LRRN4: variants seen among roughly 807,000 people sequenced by gnomAD.
LRRN4 encodes leucine-rich repeat neuronal protein 4.
LRRN4 carries 26 observed loss-of-function variants against 22.3 expected under a neutral mutation model. The ratio of observed to expected loss-of-function variants is 1.16; its 90% CI spans 0.85 to 1.62. The LOEUF is 1.62. LRRN4 is among the 40% of genes most tolerant of loss of function. The probability of loss-of-function intolerance (pLI) is 0.00; values close to 1 mark genes in which losing one functional copy is unlikely to be tolerated. For missense variants in LRRN4, 1,070 were observed against 1,008.5 expected (o/e 1.06, Z -0.83); for synonymous variants, 496 against 486.2 (o/e 1.02, Z -0.26).
chr20:6,048,048 C>G (rs1263646751), intron 3 of LRRN4, among the ~76,000 whole-genome samples: 2 of 152,058 alleles, frequency 1.3e-5, no homozygotes, highest in Non-Finnish European at 2.9e-5. Context: ...TGCAATGACT[C>G]TTCCACCCCT....
Position 6,050,888 on chromosome 20 carries a change from T to A in LRRN4, c.751A>T (p.Met251Leu), listed in dbSNP as rs779542063. 3.6e-5 allele frequency: 58 copies of A among 1,613,980 alleles called. No homozygotes were observed. Among genetic ancestry groups the A allele is most frequent in the Non-Finnish European group, 4.9e-5 (58 of 1,180,010 alleles). Reference sequence around the variant, plus strand: ...TCCAGCTGCTGCAGGTTGGGGGTCATCTTGAAAATGTCCCCCTCCAGGGTC... The same window carrying A: ...TCCAGCTGCTGCAGGTTGGGGGTCAACTTGAAAATGTCCCCCTCCAGGGTC... ...LTTLEGDIFKMTPNLQQLDCQ... is the reference protein window; with the variant it reads ...LTTLEGDIFKLTPNLQQLDCQ... The change falls in exon 3 of 5, where the codon ATG becomes TTG. Residue 251 changes from methionine to leucine, a missense_variant. Physicochemically the swap from Met to Leu is conservative, Grantham distance 15 (BLOSUM62 2). Coordinates refer to ENST00000378858, the MANE Select transcript of LRRN4 (RefSeq NM_152611.5).
At chr20:6,049,217 T>C (rs969312242) in intron 3 of LRRN4, among the ~76,000 whole-genome samples, 15 of 152,330 alleles carry the variant, frequency 9.8e-5, no homozygotes, top group Admixed American at 3.9e-4. Context: ...CCAATTATGC[T>C]GTTCCTGAAG....
chr20:6,044,671 C>T lies in LRRN4; in HGVS notation c.870G>A (p.Leu290=). Residue 290 remains leucine, a synonymous_variant, in exon 4 of 5, where the codon TTG becomes TTA. Coordinates refer to ENST00000378858, the MANE Select transcript of LRRN4 (RefSeq NM_152611.5). ...LQVLLFQNCN[L]SSFPPWTLDS... The stretch of plus-strand genomic sequence containing the variant: ...CCAGGGTCCAAGGAGGGAAGGAACT[C>T]AAGTTGCAGCTGAAATACAAACAAA... 6.5e-7 allele frequency: 1 copy of T among 1,539,170 alleles called. No homozygotes were observed. The highest frequency in any genetic ancestry group is 2.3e-5 in the East Asian group (1 of 42,684).
intron 3 of LRRN4, among the ~76,000 whole-genome samples, chr20:6,049,960 A>G (rs1193009901): frequency 1.3e-5 from 2 of 152,196 alleles, no homozygotes; most frequent in Admixed American, 6.5e-5. Flanking sequence ...AACCACCACC[A>G]TCATCTTCAC....
At chr20:6,051,150 G>T (rs1981234705) in intron 2 of LRRN4, among the ~76,000 whole-genome samples, 167 bp from the exon 3 acceptor site, 1 of 152,224 alleles carries the variant, frequency 6.6e-6, no homozygotes, top group Non-Finnish European at 1.5e-5. Context: ...CATTTCAGCT[G>T]GAAGGGTGCT....
At chr20:6,044,477 C>A (rs1981054974) in intron 4 of LRRN4, 66 bp downstream of exon 4, 2 of 1,343,928 alleles carry the variant, frequency 1.5e-6, no homozygotes, top group Non-Finnish European at 9.6e-7. Flanking sequence ...AAGATGTAAG[C>A]TGGAGAACTT....
At chr20:6,048,531 C>A (rs903821968) in intron 3 of LRRN4, among the ~76,000 whole-genome samples, 3 of 152,214 alleles carry the variant, frequency 2.0e-5, no homozygotes, top group Non-Finnish European at 2.9e-5. Flanking sequence ...GCTATGTGAA[C>A]TGGGGAAATG....
rs757663952 is a variant in LRRN4 at position 6,050,777 on chromosome 20, ACTT to A, written c.859_860+1del. The A allele has an allele frequency of 1.2e-6, 2 of 1,612,106 alleles. No individual in the cohort carries two copies. The highest frequency in any genetic ancestry group is 1.7e-6 in the Non-Finnish European group (2 of 1,178,562). On this transcript the variant is annotated splice_donor_variant and coding_sequence_variant, in exon 3 of 5. Transcript: ENST00000378858. LOFTEE classifies it high-confidence loss of function. Reference sequence around the variant, plus strand: ...ATGAAGATGTGCCTCAGAAGCACTTACTTCTGGAACAGAAGGACCTGTAGATGT... The same window carrying A: ...ATGAAGATGTGCCTCAGAAGCACTTACTGGAACAGAAGGACCTGTAGATGT...
intron 3 of LRRN4, among the ~76,000 whole-genome samples, chr20:6,049,131 G>T (rs1005993932): frequency 6.6e-6 from 1 of 152,238 alleles, no homozygotes; most frequent in Admixed American, 6.5e-5. Flanking sequence ...TGGGATGCTT[G>T]CTCTTCTTGG....
At position 6,052,058 on chromosome 20, in the gene LRRN4, G is replaced by A. The variant is rs895381117; in HGVS notation, c.655+87C>T. On this transcript the variant is annotated intron_variant, in intron 2 of 4. Transcript: ENST00000378858. The stretch of plus-strand genomic sequence containing the variant: ...GCTGGGCACCCGGGTCACCCCTCGA[G>A]GAAGAACGCAGCCCTGCCCCCCGGA... 58 of 1,452,322 alleles carry A rather than the reference G, an allele frequency of 4.0e-5. No individual in the cohort carries two copies. The African/African-American group carries it at 8.1e-4, about 20-fold the overall frequency. The allele number at this position is 1,452,322 out of a possible 1,614,324, so 90.0% of individuals were successfully genotyped here. A position where few individuals can be genotyped will look rare whatever the true frequency, so the allele number is the denominator to read the frequency against.
In LRRN4 at chr20:6,044,569, C is replaced by A. The variant is rs1243011371; in HGVS notation, c.972G>T (p.Thr324=). 4 of 1,586,272 alleles carry A rather than the reference C, an allele frequency of 2.5e-6. No individual in the cohort carries two copies. Among genetic ancestry groups the A allele is most frequent in the Non-Finnish European group, 3.4e-6 (4 of 1,166,588 alleles). The change falls in exon 4 of 5, where the codon ACG becomes ACT. Residue 324 remains threonine, a synonymous_variant. Transcript: ENST00000378858. ...TGCTTAGGACAGTTCTCTTTGCATC[C>A]GTGAGGAGCCAAGACAAGTCACAAC... is the stretch of plus-strand genomic sequence containing the variant. ...TCSCDLSWLL[T]DAKRTVLSRA... is the part of the protein sequence containing the mutation.
chr20:6,045,774 T>C (rs1291250592), intron 3 of LRRN4, among the ~76,000 whole-genome samples: 1 of 149,242 alleles, frequency 6.7e-6, no homozygotes, highest in East Asian at 2.0e-4. Context: ...TGATCTGGGA[T>C]GGCCTCATGT....
chr20:6,044,837 G>C (rs560867815), intron 3 of LRRN4, among the ~76,000 whole-genome samples, 157 bp from the exon 4 acceptor site: 2 of 152,248 alleles, frequency 1.3e-5, no homozygotes, highest in East Asian at 3.9e-4. Context: ...TAATGACCTC[G>C]AACTTCATTT....
intron 3 of LRRN4, among the ~76,000 whole-genome samples, chr20:6,046,075 C>CTCCCA (rs1462046907): frequency 2.0e-5 from 3 of 148,668 alleles, no homozygotes; most frequent in African/African-American, 7.3e-5. Flanking sequence ...TTTGGGAGGC[C>CTCCCA]AAGGTGGGAG....
intron 3 of LRRN4, among the ~76,000 whole-genome samples, chr20:6,049,380 C>T (rs1981191029): frequency 6.6e-6 from 1 of 152,166 alleles, no homozygotes; most frequent in South Asian, 2.1e-4. Context: ...AAAGCAGTGG[C>T]CATGTTGTCA....
chr20:6,050,319 G>T (rs1981213114), intron 3 of LRRN4, among the ~76,000 whole-genome samples: 1 of 152,220 alleles, frequency 6.6e-6, no homozygotes. Flanking sequence ...TGACTGCATT[G>T]TGTAAAAGAG....
At chr20:6,050,106 T>C (rs1981208606) in intron 3 of LRRN4, among the ~76,000 whole-genome samples, 1 of 152,252 alleles carries the variant, frequency 6.6e-6, no homozygotes, top group Non-Finnish European at 1.5e-5. Context: ...AAGAAACTGC[T>C]TGATATTTGT....
At chr20:6,043,887 A>C (rs1187836194) in intron 4 of LRRN4, among the ~76,000 whole-genome samples, 2 of 151,754 alleles carry the variant, frequency 1.3e-5, no homozygotes, top group Non-Finnish European at 2.9e-5. Context: ...CAGCCTGCGC[A>C]ACAGAGCAAG....
chr20:6,046,518 G>T (rs76705652), intron 3 of LRRN4, among the ~76,000 whole-genome samples: 6,072 of 148,248 alleles, frequency 0.041, 600 homozygotes, highest in African/African-American at 0.14. Context: ...TGAGTCTCCT[G>T]GACCTCCCAG....
Sources: gnomAD v4.1 joint callset for allele counts (sites outside exome capture counted in the v4.1 genomes callset) on GRCh38, gnomAD v4.1.1 for gene constraint, MANE v1.5 for transcripts, NCBI Gene and HGNC (gene_info 2026-07-23, HGNC 2026-07-21) for gene names.